Variants in CEP170 observed in about 807,000 individuals in gnomAD.
The protein encoded by CEP170 is centrosomal protein 170, also known as centrosomal protein of 170 kDa.
Under a neutral mutation model 151.9 loss-of-function variants are expected in CEP170, and 21 were observed. That is an observed-to-expected ratio of 0.14 (90% confidence interval 0.10 to 0.20). The LOEUF (loss-of-function observed/expected upper bound fraction) is 0.20. Among genes scored for constraint, CEP170 ranks in the 10% least tolerant of loss-of-function variants. The pLI, the probability that CEP170 is intolerant of heterozygous loss-of-function variation, is 1.00. For missense variants in CEP170, 964 were observed against 1,892.9 expected (o/e 0.51, Z 9.11); for synonymous variants, 356 against 648.8 (o/e 0.55, Z 6.86).
chr1:243,132,355 T>A (rs993759239), intron 17 of CEP170, among the ~76,000 whole-genome samples: 4 of 152,230 alleles, frequency 2.6e-5, no homozygotes, highest in African/African-American at 9.6e-5. Context: ...TATCTCTAAC[T>A]GAGCACTAAT....
At position 243,214,941 on chromosome 1, in the gene CEP170, C is replaced by T. The variant is rs554907547; in HGVS notation, c.196-2977G>A. Among the ~76,000 whole-genome samples the T allele has an allele frequency of 1.6e-4, 25 of 152,006 alleles. No individual in the cohort carries two copies. In the South Asian group the frequency reaches 4.1e-3, roughly 25 times the overall value. ...AAAAAAGGGTCCACTGGATTATTGC[C>T]GGAAGTCAGTGACCCTGAATGGAGG... On this transcript the variant is annotated intron_variant, in intron 3 of 19. Transcript: ENST00000366542.
intron 11 of CEP170, 92 bp downstream of exon 11, chr1:243,172,605 C>T (rs1317481174): frequency 8.8e-7 from 1 of 1,130,648 alleles, no homozygotes; most frequent in Non-Finnish European, 1.2e-6. Context: ...GCACTCCAGC[C>T]TGGGCAACAG....
At chr1:243,208,265 G>C (rs568647828) in intron 4 of CEP170, among the ~76,000 whole-genome samples, 11 of 151,998 alleles carry the variant, frequency 7.2e-5, no homozygotes, top group African/African-American at 2.7e-4. Context: ...CCTCCTAACT[G>C]GTCTCTCTTT....
intron 4 of CEP170, among the ~76,000 whole-genome samples, chr1:243,203,900 T>A (rs1032099380): frequency 4.6e-5 from 7 of 152,088 alleles, no homozygotes; most frequent in Non-Finnish European, 1.0e-4. Flanking sequence ...GGAAACTTTC[T>A]AAGGGGAAAA....
intron 15 of CEP170, among the ~76,000 whole-genome samples, chr1:243,141,982 A>G (rs1401678768): frequency 6.6e-6 from 1 of 152,228 alleles, no homozygotes; most frequent in Non-Finnish European, 1.5e-5. Context: ...CAAACTTTAT[A>G]GAAACTTTAT....
chr1:243,222,290 AT>A (rs2062890160), intron 2 of CEP170, among the ~76,000 whole-genome samples: 1 of 152,252 alleles, frequency 6.6e-6, no homozygotes, highest in Non-Finnish European at 1.5e-5. Flanking sequence ...GAACAAAATT[AT>A]CTTCATTTAA....
At chr1:243,242,582 A>G (rs2064959645) in intron 1 of CEP170, among the ~76,000 whole-genome samples, 1 of 152,194 alleles carries the variant, frequency 6.6e-6, no homozygotes. Flanking sequence ...GATACCAAGC[A>G]GTCCCATCCC....
In CEP170 at chr1:243,156,437, C is replaced by A; in HGVS notation, c.3695G>T (p.Arg1232Leu). Residue 1232 changes from arginine to leucine, a missense_variant, in exon 14 of 20, where the codon CGC becomes CTC. Transcript: ENST00000366542. ...GGTGGAAGCATAATCAGTAGGAAAG[C>A]GCCTCCATCTTGAATTTACTAAATT... is the stretch of plus-strand genomic sequence containing the variant. Reference protein sequence around the residue: ...GSASVNSRWRRFPTDYASTSE... With the variant: ...GSASVNSRWRLFPTDYASTSE... 6.5e-7 allele frequency: 1 copy of A among 1,544,984 alleles called. No homozygotes were observed. The highest frequency in any genetic ancestry group is 1.7e-4 in the Middle Eastern group (1 of 5,952).
chr1:243,154,647 T>G (rs1454264516), intron 14 of CEP170, among the ~76,000 whole-genome samples: 10 of 152,258 alleles, frequency 6.6e-5, no homozygotes, highest in African/African-American at 2.4e-4. Context: ...TCACTGTAGG[T>G]TAAATAGCCT....
chr1:243,210,923 T>G (rs2061746043), intron 4 of CEP170, among the ~76,000 whole-genome samples: 2 of 152,100 alleles, frequency 1.3e-5, no homozygotes, highest in African/African-American at 4.8e-5. Context: ...GCACCTGGAC[T>G]ATTTCTCGTA....
intron 14 of CEP170, among the ~76,000 whole-genome samples, chr1:243,151,773 A>G (rs1381947836): frequency 6.6e-6 from 1 of 152,260 alleles, no homozygotes; most frequent in Non-Finnish European, 1.5e-5. Context: ...CAATGTTGAT[A>G]AAACAGCCTT....
intron 2 of CEP170, among the ~76,000 whole-genome samples, chr1:243,224,489 AT>A (rs1415709533): frequency 6.6e-6 from 1 of 152,114 alleles, no homozygotes; most frequent in Non-Finnish European, 1.5e-5. Context: ...ACCTCATGAT[AT>A]TTTAAGCAAG....
At chr1:243,180,547 T>C (rs758173311) in intron 10 of CEP170, among the ~76,000 whole-genome samples, 3 of 152,246 alleles carry the variant, frequency 2.0e-5, no homozygotes, top group Non-Finnish European at 2.9e-5. Context: ...AGGCTCTCAC[T>C]TGATCTCCTA....
intron 2 of CEP170, among the ~76,000 whole-genome samples, chr1:243,223,918 T>C (rs930500101): frequency 6.6e-5 from 10 of 152,150 alleles, no homozygotes; most frequent in African/African-American, 2.4e-4. Context: ...TATCAATGTG[T>C]TTCAGCACCC....
chr1:243,135,501 C>T (rs891155257), intron 17 of CEP170, among the ~76,000 whole-genome samples: 3 of 152,104 alleles, frequency 2.0e-5, no homozygotes, highest in African/African-American at 7.2e-5. Flanking sequence ...CCACCATGCC[C>T]GGCCACCTTT....
chr1:243,233,550 G>A (rs985377332), intron 1 of CEP170, among the ~76,000 whole-genome samples: 8 of 151,742 alleles, frequency 5.3e-5, no homozygotes, highest in Admixed American at 1.3e-4. Flanking sequence ...TGGCTAACAT[G>A]GTGAAACCCT....
intron 16 of CEP170, among the ~76,000 whole-genome samples, chr1:243,137,634 G>A (rs1160976375): frequency 1.3e-5 from 2 of 152,076 alleles, no homozygotes; most frequent in Non-Finnish European, 2.9e-5. Flanking sequence ...AATTAGCGGG[G>A]CGTGCTGGTG....
At chr1:243,214,052 A>G (rs1206041845) in intron 3 of CEP170, among the ~76,000 whole-genome samples, 1 of 152,180 alleles carries the variant, frequency 6.6e-6, no homozygotes. Flanking sequence ...AAATATTGAC[A>G]GCCTTCTTTT....
intron 10 of CEP170, among the ~76,000 whole-genome samples, chr1:243,181,189 A>G (rs1255026240): frequency 2.0e-5 from 3 of 152,050 alleles, no homozygotes; most frequent in African/African-American, 7.2e-5. Context: ...AAGAGTGGAG[A>G]GAAGAAACTG....
Sources: allele counts gnomAD v4.1 joint callset (sites outside exome capture counted in the v4.1 genomes callset), GRCh38; gene constraint gnomAD v4.1.1; transcripts MANE v1.5; gene names NCBI Gene and HGNC (gene_info 2026-07-23, HGNC 2026-07-21).